The following ZFPM2 variants were observed in gnomAD, a reference collection of about 807,000 sequenced individuals.
ZFPM2 encodes the protein zinc finger protein, FOG family member 2.
A neutral mutation model predicts 98.6 loss-of-function variants in ZFPM2; 20 were observed. The observed-to-expected ratio is 0.20, with a 90% CI of 0.14 to 0.29. The LOEUF (loss-of-function observed/expected upper bound fraction) is 0.29. Ranked by LOEUF, ZFPM2 falls within the 10% of genes least tolerant of loss-of-function variation. The pLI is 1.00. For missense variants in ZFPM2, 1,310 were observed against 1,388.6 expected (o/e 0.94, Z 0.90); for synonymous variants, 518 against 502.7 (o/e 1.03, Z -0.41).
chr8:105,753,902 T>C (rs1335986182), intron 5 of ZFPM2, among the ~76,000 whole-genome samples: 1 of 152,180 alleles, frequency 6.6e-6, no homozygotes, highest in East Asian at 1.9e-4. Context: ...AGCAAGTGTG[T>C]GCACTCAGTA....
chr8:105,439,848 G>A (rs1207426501), intron 2 of ZFPM2, among the ~76,000 whole-genome samples: 14 of 152,278 alleles, frequency 9.2e-5, no homozygotes, highest in East Asian at 3.9e-4. Context: ...CCCTGAATTA[G>A]CTCCCAGAGT....
intron 3 of ZFPM2, among the ~76,000 whole-genome samples, chr8:105,533,534 T>C (rs1814342530): frequency 6.6e-6 from 1 of 152,214 alleles, no homozygotes; most frequent in Non-Finnish European, 1.5e-5. Flanking sequence ...ATTTTGAAAC[T>C]TAACACCAGG....
At chr8:105,545,075 A>C (rs1298078122) in intron 3 of ZFPM2, among the ~76,000 whole-genome samples, 2 of 152,190 alleles carry the variant, frequency 1.3e-5, no homozygotes, top group Non-Finnish European at 2.9e-5. Flanking sequence ...TATTAGAATG[A>C]CAAAAATCAT....
At chr8:105,392,627 T>G (rs1811131780) in intron 1 of ZFPM2, among the ~76,000 whole-genome samples, 1 of 152,232 alleles carries the variant, frequency 6.6e-6, no homozygotes. Context: ...GATGGAGAGA[T>G]GAATACTTAA....
At chr8:105,563,472 C>G (rs1353470319) in intron 4 of ZFPM2, among the ~76,000 whole-genome samples, 1 of 152,104 alleles carries the variant, frequency 6.6e-6, no homozygotes, top group African/African-American at 2.4e-5. Context: ...ACCTTACAGT[C>G]CAGACCAAAT....
intron 5 of ZFPM2, among the ~76,000 whole-genome samples, chr8:105,697,171 T>C (rs918258905): frequency 6.6e-6 from 1 of 151,742 alleles, no homozygotes; most frequent in African/African-American, 2.4e-5. Context: ...ACTTTATAGT[T>C]CCACTTCTGT....
intron 4 of ZFPM2, among the ~76,000 whole-genome samples, chr8:105,605,319 G>T (rs2059512804): frequency 6.6e-6 from 1 of 152,058 alleles, no homozygotes; most frequent in African/African-American, 2.4e-5. Context: ...TACTTCAAGA[G>T]ATTTTTTTTG....
intron 3 of ZFPM2, among the ~76,000 whole-genome samples, chr8:105,539,504 C>T (rs1423678968): frequency 1.3e-5 from 2 of 152,188 alleles, no homozygotes; most frequent in Middle Eastern, 3.4e-3. Flanking sequence ...ATTGCAGTGC[C>T]TACACATCTT....
chr8:105,359,381 TTG>T (rs1491164478), intron 1 of ZFPM2, among the ~76,000 whole-genome samples: 9 of 143,536 alleles, frequency 6.3e-5, no homozygotes, highest in South Asian at 2.3e-4. Context: ...TTTTTTTTTT[TTG>T]TTGTTGTTTT....
intron 5 of ZFPM2, among the ~76,000 whole-genome samples, chr8:105,721,578 G>C (rs968989432): frequency 5.9e-5 from 9 of 151,946 alleles, no homozygotes; most frequent in Admixed American, 2.6e-4. Context: ...ATAAAATACT[G>C]CTTTGAATTC....
intron 5 of ZFPM2, chr8:105,690,975 CT>C (rs1810865542): frequency 6.6e-6 from 1 of 151,960 alleles, no homozygotes; most frequent in South Asian, 2.1e-4. Context: ...AAGAGTAACT[CT>C]TCCAAAGTCA....
intron 3 of ZFPM2, among the ~76,000 whole-genome samples, chr8:105,510,647 A>G (rs1237753958): frequency 6.6e-6 from 1 of 152,140 alleles, no homozygotes; most frequent in Admixed American, 6.6e-5. Flanking sequence ...TTACTTTCTG[A>G]TTCTTGTGGA....
intron 5 of ZFPM2, among the ~76,000 whole-genome samples, chr8:105,764,099 A>G (rs1563553818): frequency 1.3e-5 from 2 of 151,834 alleles, no homozygotes; most frequent in Non-Finnish European, 2.9e-5. Flanking sequence ...AGTCATTTAA[A>G]GATTAATTGG....
chr8:105,515,168 A>G (rs1049151695), intron 3 of ZFPM2, among the ~76,000 whole-genome samples: 2 of 152,218 alleles, frequency 1.3e-5, no homozygotes, highest in African/African-American at 4.8e-5. Context: ...GAACTATTGA[A>G]GTGCCAAATA....
At chr8:105,435,890 TA>T (rs1388855238) in intron 2 of ZFPM2, among the ~76,000 whole-genome samples, 7 of 152,166 alleles carry the variant, frequency 4.6e-5, no homozygotes, top group African/African-American at 1.4e-4. Context: ...TAAAAAGCAT[TA>T]AAAAATGAAT....
chr8:105,770,834 G>A (rs571369909), intron 5 of ZFPM2, among the ~76,000 whole-genome samples: 2 of 152,260 alleles, frequency 1.3e-5, no homozygotes, highest in South Asian at 4.1e-4. Flanking sequence ...AGAGAGGAAG[G>A]TGCAGCTTAG....
chr8:105,655,370 T>C (rs558143827), intron 5 of ZFPM2, among the ~76,000 whole-genome samples: 1 of 152,076 alleles, frequency 6.6e-6, no homozygotes, highest in South Asian at 2.1e-4. Flanking sequence ...TAGCTGGGAT[T>C]ACAGGCATGC....
intron 1 of ZFPM2, among the ~76,000 whole-genome samples, chr8:105,343,969 G>A (rs1340151714): frequency 6.6e-6 from 1 of 152,096 alleles, no homozygotes; most frequent in Non-Finnish European, 1.5e-5. Context: ...CACATGGCTG[G>A]AGAGGCCTCA....
At chr8:105,411,184 G>A (rs545714720) in intron 1 of ZFPM2, among the ~76,000 whole-genome samples, 3 of 151,852 alleles carry the variant, frequency 2.0e-5, no homozygotes, top group Admixed American at 1.3e-4. Context: ...AATATTAAGT[G>A]CCTTGGCTAA....
Sources: gnomAD v4.1 joint callset for allele counts (sites outside exome capture counted in the v4.1 genomes callset) on GRCh38, gnomAD v4.1.1 for gene constraint, MANE v1.5 for transcripts, NCBI Gene and HGNC (gene_info 2026-07-23, HGNC 2026-07-21) for gene names.